The following NBAS variants were observed in gnomAD, a reference collection of about 807,000 sequenced individuals.
NBAS encodes the protein NAG/BC035112 fusion.
NBAS carries 219 observed loss-of-function variants against 302.5 expected under a neutral mutation model. The ratio of observed to expected loss-of-function variants is 0.72; its 90% CI spans 0.65 to 0.81. NBAS has a LOEUF of 0.81. NBAS is among the 30% of genes least tolerant of loss of function. The pLI is 0.00. For missense variants in NBAS, 2,932 were observed against 2,841.6 expected, an observed-to-expected ratio of 1.03 and a Z score of -0.72; for synonymous variants, 1,118 against 1,021.6, an observed-to-expected ratio of 1.09 and a Z score of -1.80.
At chr2:15,539,857 T>TAC (rs149929250) in intron 6 of NBAS, among the ~76,000 whole-genome samples, 10,188 of 150,886 alleles carry the variant, frequency 0.068, 503 homozygotes, top group African/African-American at 0.14. Context: ...TATATATATA[T>TAC]ACACACACAC....
chr2:15,208,922 T>C (rs1027921307), intron 48 of NBAS, among the ~76,000 whole-genome samples: 4 of 151,914 alleles, frequency 2.6e-5, no homozygotes, highest in African/African-American at 9.7e-5. Flanking sequence ...AATATAAAAT[T>C]AGTAGGAAAA....
intron 14 of NBAS, among the ~76,000 whole-genome samples, chr2:15,474,549 T>TTCTTCTTCTTCTTC (rs1558372889): frequency 6.1e-5 from 9 of 147,736 alleles, no homozygotes; most frequent in African/African-American, 2.2e-4. Context: ...AGCCTGTTTT[T>TTCTTCTTCTTCTTC]TTCTTCTTCT....
chr2:15,061,036 CAA>C, the NBAS span, among the ~76,000 whole-genome samples: 1 of 152,086 alleles, frequency 6.6e-6, no homozygotes, highest in East Asian at 1.9e-4. Context: ...AAAATAAAAA[CAA>C]AGAGAAGCCT....
the NBAS span, among the ~76,000 whole-genome samples, chr2:14,799,256 G>C: frequency 2.4e-3 from 358 of 152,036 alleles, no homozygotes; most frequent in African/African-American, 7.8e-3. Flanking sequence ...AATTTTGACA[G>C]GTTATGTATT....
chr2:14,849,768 C>T, the NBAS span, among the ~76,000 whole-genome samples: 388 of 142,054 alleles, frequency 2.7e-3, 2 homozygotes, highest in Non-Finnish European at 3.8e-3. Flanking sequence ...AGAGTGGGGG[C>T]CAATATTCAA....
chr2:14,796,529 T>C, the NBAS span, among the ~76,000 whole-genome samples: 2 of 152,210 alleles, frequency 1.3e-5, no homozygotes, highest in Non-Finnish European at 2.9e-5. Context: ...GTAATTTTCC[T>C]GCATGAGTTT....
At chr2:14,783,769 G>C in the NBAS span, among the ~76,000 whole-genome samples, 16 of 151,882 alleles carry the variant, frequency 1.1e-4, no homozygotes, top group East Asian at 1.9e-4. Context: ...TGAATAGTGC[G>C]GCAATAAACA....
intron 21 of NBAS, among the ~76,000 whole-genome samples, chr2:15,439,646 C>G (rs565562167): frequency 6.6e-6 from 1 of 152,212 alleles, no homozygotes; most frequent in East Asian, 1.9e-4. Flanking sequence ...GAGTGCCAGA[C>G]AGTGGGCGCA....
Position 15,342,817 on chromosome 2 carries a change from G to A in NBAS, c.4179+9175C>T, listed in dbSNP as rs929203148. On this transcript the variant is annotated intron_variant, in intron 35 of 51. Transcript: ENST00000281513. ...TACTTTCAAGAAATATAGTGTGCCGGATAATGTCAATATCCCTTATTTCCC... is the reference window on the plus strand; with the variant it reads ...TACTTTCAAGAAATATAGTGTGCCGAATAATGTCAATATCCCTTATTTCCC... Among the ~76,000 whole-genome samples, 7 of 151,690 alleles carry A rather than the reference G, an allele frequency of 4.6e-5. No homozygotes were observed. The South Asian group carries it at 8.3e-4, about 18-fold the overall frequency.
the NBAS span, among the ~76,000 whole-genome samples, chr2:14,938,136 A>C: frequency 1.2e-4 from 18 of 152,288 alleles, no homozygotes; most frequent in South Asian, 3.5e-3. Context: ...AAAAAATAAA[A>C]AAAATTAAAA....
chr2:14,921,766 C>T, the NBAS span, among the ~76,000 whole-genome samples: 229 of 152,242 alleles, frequency 1.5e-3, no homozygotes, highest in African/African-American at 4.7e-3. Context: ...AGTCATCCTT[C>T]CCAAGCATCA....
chr2:15,176,096 G>A (rs1454837055), intron 51 of NBAS, among the ~76,000 whole-genome samples: 1 of 152,100 alleles, frequency 6.6e-6, no homozygotes, highest in Non-Finnish European at 1.5e-5. Context: ...CAAAATAAAA[G>A]CAACAAAAAG....
Position 15,339,353 on chromosome 2 carries a change from G to A in NBAS, c.4180-8588C>T, listed in dbSNP as rs114356256. Among the ~76,000 whole-genome samples, 416 of 152,116 alleles carry A rather than the reference G, an allele frequency of 2.7e-3. 1 individual carries two copies. The highest frequency in any genetic ancestry group is 9.3e-3 in the African/African-American group (387 of 41,488). On this transcript the variant is annotated intron_variant, in intron 35 of 51. Transcript: ENST00000281513. ...AAACTCATGGTACAGTAGGGAAGAA[G>A]GGAAAATAAGGCAATTTGCCTTATT...
intron 32 of NBAS, among the ~76,000 whole-genome samples, chr2:15,365,010 C>G (rs545786617): frequency 6.6e-6 from 1 of 152,116 alleles, no homozygotes; most frequent in East Asian, 1.9e-4. Flanking sequence ...AAAATTAGCA[C>G]GGCCTTTCTT....
the NBAS span, among the ~76,000 whole-genome samples, chr2:14,856,172 T>C: frequency 6.6e-6 from 1 of 152,192 alleles, no homozygotes; most frequent in Non-Finnish European, 1.5e-5. Context: ...CAGAGAATTC[T>C]CCCAGATCTT....
the NBAS span, among the ~76,000 whole-genome samples, chr2:14,975,960 C>T: frequency 6.6e-6 from 1 of 151,990 alleles, no homozygotes; most frequent in East Asian, 1.9e-4. Context: ...ATAACTGGTA[C>T]TGAACTAGCT....
chr2:15,481,271 C>T (rs980389149), intron 12 of NBAS, among the ~76,000 whole-genome samples: 1 of 152,162 alleles, frequency 6.6e-6, no homozygotes, highest in East Asian at 1.9e-4. Context: ...CTGTTGTAAA[C>T]ACTGCTGCTA....
the NBAS span, among the ~76,000 whole-genome samples, chr2:15,008,079 G>A: frequency 6.6e-6 from 1 of 152,118 alleles, no homozygotes; most frequent in Non-Finnish European, 1.5e-5. Context: ...TTCCCCATTA[G>A]CCATGGCAAC....
At chr2:15,498,967 G>A (rs1203347842) in intron 11 of NBAS, among the ~76,000 whole-genome samples, 4 of 141,672 alleles carry the variant, frequency 2.8e-5, no homozygotes, top group South Asian at 2.2e-4. Context: ...TTGCTCCATC[G>A]CCCAGGTTGG....
Sources: allele counts gnomAD v4.1 joint callset (sites outside exome capture counted in the v4.1 genomes callset), GRCh38; gene constraint gnomAD v4.1.1; transcripts MANE v1.5; gene names NCBI Gene and HGNC (gene_info 2026-07-23, HGNC 2026-07-21).